RIMS1: variants seen among roughly 807,000 people sequenced by gnomAD.
RIMS1 encodes regulating synaptic membrane exocytosis 1.
RIMS1 carries 83 observed loss-of-function variants against 214.1 expected under a neutral mutation model. The observed-to-expected ratio is 0.39, with a 90% CI of 0.32 to 0.47. RIMS1 has a LOEUF of 0.47. Among genes scored for constraint, RIMS1 ranks in the 20% least tolerant of loss-of-function variants. RIMS1 has a pLI of 0.99. For synonymous variants in RIMS1, 793 were observed against 786.8 expected (o/e 1.01, Z -0.13); for missense variants, 2,050 against 2,161.8 (o/e 0.95, Z 1.03).
chr6:71,892,204 G>T (rs1770108376), intron 1 of RIMS1, among the ~76,000 whole-genome samples: 2 of 152,126 alleles, frequency 1.3e-5, no homozygotes, highest in South Asian at 4.1e-4. Flanking sequence ...ATTATGATTT[G>T]TTTCCCTCAT....
In RIMS1 at chr6:72,269,475, C is replaced by A. The variant is rs143552008; in HGVS notation, c.3398+3426C>A. Among the ~76,000 whole-genome samples the A allele has an allele frequency of 3.5e-3, 526 of 152,286 alleles. 1 individual carries two copies. The highest frequency in any genetic ancestry group is 5.8e-3 in the Non-Finnish European group (393 of 68,012). ...CAATACATATGAAGACAACCCTCCA[C>A]TATGATTGACCAGACCCTGTCAGGC... is the stretch of plus-strand genomic sequence containing the variant. On this transcript the variant is annotated intron_variant, in intron 22 of 33. Coordinates refer to ENST00000521978, the MANE Select transcript of RIMS1 (RefSeq NM_014989.7).
intron 7 of RIMS1, among the ~76,000 whole-genome samples, chr6:72,235,261 G>C (rs80208355): frequency 0.017 from 2,628 of 151,978 alleles, 25 homozygotes; most frequent in African/African-American, 0.024. Context: ...ATTAACTATA[G>C]TCATCCTATA....
At chr6:72,228,028 AT>A (rs1562797948) in intron 6 of RIMS1, among the ~76,000 whole-genome samples, 1 of 151,908 alleles carries the variant, frequency 6.6e-6, no homozygotes, top group Non-Finnish European at 1.5e-5. Flanking sequence ...GTGCATATTT[AT>A]TGTATACAAC....
chr6:72,263,929 G>T (rs576521018), intron 19 of RIMS1: 1 of 344,482 alleles, frequency 2.9e-6, no homozygotes, highest in Admixed American at 6.5e-5. Context: ...GGAGGCAGAG[G>T]TTGCAGTGAG....
At chr6:72,129,582 T>A (rs954848276) in intron 4 of RIMS1, among the ~76,000 whole-genome samples, 5 of 151,962 alleles carry the variant, frequency 3.3e-5, no homozygotes, top group Non-Finnish European at 7.4e-5. Context: ...AGTATAAGAG[T>A]TTTCTAGTTT....
At chr6:71,968,019 C>T (rs1294131556) in intron 1 of RIMS1, among the ~76,000 whole-genome samples, 3 of 152,186 alleles carry the variant, frequency 2.0e-5, no homozygotes, top group Admixed American at 2.0e-4. Context: ...TCCAAGAAGC[C>T]TCCATGAAAG....
At chr6:71,949,501 T>C (rs928051237) in intron 1 of RIMS1, among the ~76,000 whole-genome samples, 4 of 152,190 alleles carry the variant, frequency 2.6e-5, no homozygotes, top group African/African-American at 9.6e-5. Context: ...TTCAAATTTG[T>C]CACTTGTTTT....
chr6:72,174,737 A>G (rs1257903401), intron 4 of RIMS1, among the ~76,000 whole-genome samples: 1 of 152,210 alleles, frequency 6.6e-6, no homozygotes, highest in East Asian at 1.9e-4. Context: ...GATATAGAGT[A>G]ACAGTGGAAT....
At chr6:72,018,400 G>A (rs1026340332) in intron 2 of RIMS1, among the ~76,000 whole-genome samples, 1 of 152,148 alleles carries the variant, frequency 6.6e-6, no homozygotes, top group Non-Finnish European at 1.5e-5. Flanking sequence ...GTGTTTGTGT[G>A]TGTGTGTTGG....
chr6:72,294,466 A>T (rs1592315031), intron 26 of RIMS1, among the ~76,000 whole-genome samples: 2 of 151,870 alleles, frequency 1.3e-5, no homozygotes, highest in South Asian at 4.1e-4. Context: ...TTTAGAAATA[A>T]TTTGATAAGC....
intron 6 of RIMS1, among the ~76,000 whole-genome samples, chr6:72,232,540 G>C (rs2062391240): frequency 6.6e-6 from 1 of 151,652 alleles, no homozygotes; most frequent in African/African-American, 2.4e-5. Flanking sequence ...GATTTGGAGA[G>C]AGATATGGAA....
intron 1 of RIMS1, among the ~76,000 whole-genome samples, chr6:71,922,640 C>A (rs1430409330): frequency 6.6e-6 from 1 of 152,024 alleles, no homozygotes; most frequent in Non-Finnish European, 1.5e-5. Flanking sequence ...AACATTCTCC[C>A]AAAATCCTTT....
rs1057239467 is a variant in RIMS1 at position 72,182,920 on chromosome 6, C to T, written c.1449C>T (p.Leu483=). The change falls in exon 6 of 34, where the codon CTC becomes CTT. Residue 483 remains leucine (L), a synonymous_variant. Coordinates refer to ENST00000521978, the MANE Select transcript of RIMS1 (RefSeq NM_014989.7). ...QSRLDPSSAV[L]MRKAKREKVE... ...GCCTGGACCCCAGCTCGGCGGTCCT[C>T]ATGCGGAAGGCCAAGCGCGAGAAGG... 31 of 1,582,316 alleles carry T rather than the reference C, an allele frequency of 2.0e-5. No individual in the cohort carries two copies. The African/African-American group carries it at 3.9e-4, about 20-fold the overall frequency.
At chr6:72,363,519 A>G (rs1044078968) in intron 29 of RIMS1, among the ~76,000 whole-genome samples, 4 of 152,224 alleles carry the variant, frequency 2.6e-5, no homozygotes, top group Non-Finnish European at 4.4e-5. Flanking sequence ...AAAATGAGTT[A>G]GGATGAAGAG....
intron 2 of RIMS1, among the ~76,000 whole-genome samples, chr6:72,003,733 A>G (rs947833769): frequency 1.3e-5 from 2 of 152,012 alleles, no homozygotes; most frequent in African/African-American, 4.8e-5. Context: ...AAAGTGGTCA[A>G]GTCACCTACT....
At chr6:71,996,498 A>G (rs2151673818) in intron 2 of RIMS1, among the ~76,000 whole-genome samples, 1 of 152,350 alleles carries the variant, frequency 6.6e-6, no homozygotes, top group Non-Finnish European at 1.5e-5. Context: ...GGAGAGATTC[A>G]GGGGTATATC....
chr6:72,119,298 CA>C (rs1045600989), intron 4 of RIMS1, among the ~76,000 whole-genome samples: 2 of 151,510 alleles, frequency 1.3e-5, no homozygotes, highest in East Asian at 1.9e-4. Context: ...AAAATGCTGC[CA>C]AAAAAATAAT....
chr6:72,040,665 T>C (rs1017215387), intron 2 of RIMS1, among the ~76,000 whole-genome samples: 2 of 151,876 alleles, frequency 1.3e-5, no homozygotes, highest in African/African-American at 4.8e-5. Context: ...GAATCTACAA[T>C]TAAAAGAATA....
intron 1 of RIMS1, among the ~76,000 whole-genome samples, chr6:71,929,381 A>C (rs1244089733): frequency 6.6e-6 from 1 of 151,904 alleles, no homozygotes; most frequent in Non-Finnish European, 1.5e-5. Context: ...ATTTTTAAAA[A>C]CTCTTATATG....
Sources: allele counts gnomAD v4.1 joint callset (sites outside exome capture counted in the v4.1 genomes callset), GRCh38; gene constraint gnomAD v4.1.1; transcripts MANE v1.5; gene names NCBI Gene and HGNC (gene_info 2026-07-23, HGNC 2026-07-21).